The following SAMSN1 variants were observed in gnomAD, a reference collection of about 807,000 sequenced individuals.
The protein encoded by SAMSN1 is SAM domain-containing protein SAMSN-1.
Under a neutral mutation model 42.0 loss-of-function variants are expected in SAMSN1, and 31 were observed. The ratio of observed to expected loss-of-function variants is 0.74; its 90% confidence interval spans 0.55 to 1.00. SAMSN1 has a LOEUF of 1.00. Ranked by LOEUF, SAMSN1 falls within the 50% of genes least tolerant of loss-of-function variation. SAMSN1 has a pLI of 0.00. For missense variants in SAMSN1, 464 were observed against 439.4 expected, an observed-to-expected ratio of 1.06 and a Z score of -0.50; for synonymous variants, 178 against 151.9, an observed-to-expected ratio of 1.17 and a Z score of -1.26.
intron 6 of SAMSN1, chr21:14,598,216 T>C (rs1160547667): frequency 6.6e-6 from 1 of 152,174 alleles, no homozygotes; most frequent in African/African-American, 2.4e-5. Flanking sequence ...TATCTCTCTT[T>C]TCTATCATGA....
intron 5 of SAMSN1, among the ~76,000 whole-genome samples, chr21:14,603,424 T>C (rs551762487): frequency 6.6e-6 from 1 of 152,274 alleles, no homozygotes; most frequent in South Asian, 2.1e-4. Flanking sequence ...GAGAGACCAC[T>C]ATGACTCAGA....
chr21:14,583,420 CTG>C (rs1981819953), upstream of SAMSN1: 1 of 468,122 alleles, frequency 2.1e-6, no homozygotes, highest in Non-Finnish European at 3.8e-6. Flanking sequence ...CTCTCTCTCA[CTG>C]TGTCTCGGAG....
chr21:14,519,534 A>C (rs2123030353), intron 2 of SAMSN1, among the ~76,000 whole-genome samples: 1 of 152,102 alleles, frequency 6.6e-6, no homozygotes, highest in Admixed American at 6.5e-5. Flanking sequence ...ATATGTGGCC[A>C]GGGGGAGATT....
upstream of SAMSN1, among the ~76,000 whole-genome samples, chr21:14,583,962 C>T (rs555766187): frequency 3.3e-5 from 5 of 151,306 alleles, no homozygotes; most frequent in Non-Finnish European, 7.4e-5. Context: ...AAATATGTTA[C>T]AACTGGCCAG....
intron 5 of SAMSN1, among the ~76,000 whole-genome samples, chr21:14,505,383 T>C (rs781445480): frequency 6.6e-6 from 1 of 151,998 alleles, no homozygotes; most frequent in Admixed American, 6.6e-5. Context: ...CACACAAACT[T>C]AAGGTACAGG....
chr21:14,538,977 A>T (rs1979819081), intron 1 of SAMSN1, among the ~76,000 whole-genome samples: 1 of 152,182 alleles, frequency 6.6e-6, no homozygotes, highest in Admixed American at 6.5e-5. Context: ...CGGATCATTA[A>T]TCCCTCTCAA....
Position 14,596,528 on chromosome 21 carries a change from A to G in SAMSN1, c.400-2450T>C, listed in dbSNP as rs973551203. Reference sequence around the variant, plus strand: ...AGCTGGATTTAGTGAGTTGCTTCTAACAAATAGAATAAAATGGAAGTGATG... The same window carrying G: ...AGCTGGATTTAGTGAGTTGCTTCTAGCAAATAGAATAAAATGGAAGTGATG... On this transcript the variant is annotated intron_variant, in intron 6 of 15. Transcript: ENST00000647101. 1.2e-4 allele frequency among the ~76,000 whole-genome samples: 18 copies of G among 152,154 alleles called. 1 individual carries two copies. Among genetic ancestry groups the G allele is most frequent in the Admixed American group, 3.3e-4 (5 of 15,268 alleles).
At chr21:14,583,706 G>A (rs1272764485), upstream of SAMSN1, 1 of 717,506 alleles carries the variant, frequency 1.4e-6, no homozygotes, top group Admixed American at 2.0e-5. Context: ...GGCTTTCTTA[G>A]TCCAAACCAG....
At chr21:14,514,892 G>A (rs1174397851) in intron 3 of SAMSN1, among the ~76,000 whole-genome samples, 1 of 152,158 alleles carries the variant, frequency 6.6e-6, no homozygotes, top group Non-Finnish European at 1.5e-5. Flanking sequence ...CATAGCTAGA[G>A]ATATAGTTGT....
intron 2 of SAMSN1, among the ~76,000 whole-genome samples, chr21:14,636,767 G>A (rs975733565): frequency 6.6e-6 from 1 of 152,052 alleles, no homozygotes; most frequent in African/African-American, 2.4e-5. Flanking sequence ...TGGCGGGGTT[G>A]GGGGTGGAAT....
intron 5 of SAMSN1, among the ~76,000 whole-genome samples, chr21:14,507,605 G>A (rs1330100661): frequency 6.6e-6 from 1 of 152,170 alleles, no homozygotes; most frequent in African/African-American, 2.4e-5. Flanking sequence ...AATCAATATT[G>A]TGAAAAGGAC....
chr21:14,558,548 A>G (rs534022726), intron 2 of SAMSN1, among the ~76,000 whole-genome samples: 1 of 151,892 alleles, frequency 6.6e-6, no homozygotes, highest in East Asian at 1.9e-4. Context: ...GGCCGTGGTG[A>G]TGCATGCCTG....
intron 2 of SAMSN1, among the ~76,000 whole-genome samples, chr21:14,565,396 C>T (rs532619573): frequency 1.3e-5 from 2 of 151,848 alleles, no homozygotes; most frequent in East Asian, 1.9e-4. Context: ...CTAGCTTTTA[C>T]ACCAGGAGTC....
Position 14,512,546 on chromosome 21 carries a change from G to C in SAMSN1, c.307C>G (p.Pro103Ala), listed in dbSNP as rs1350404193. ...ATCACAGGGTCACTGTTTCTATATG[G>C]GTGGGCATTCTCTCCATCTTCCTCA... ...KDEEDGENAH[P>A]YRNSDPVIGT... Residue 103 changes from proline (P) to alanine (A), a missense_variant, in exon 4 of 8, where the codon CCA (proline) becomes GCA (alanine). By Grantham distance (27) the Pro-to-Ala change is conservative. Coordinates refer to ENST00000400566, the MANE Select transcript of SAMSN1 (RefSeq NM_022136.5). 3 of 1,613,786 alleles carry C rather than the reference G, an allele frequency of 1.9e-6. No homozygotes were observed. The East Asian group carries it at 6.7e-5, about 36-fold the overall frequency.
At chr21:14,546,803 G>A (rs111246558), upstream of SAMSN1, among the ~76,000 whole-genome samples, 11,972 of 151,888 alleles carry the variant, frequency 0.079, 505 homozygotes, top group Middle Eastern at 0.17. Flanking sequence ...TCCACCTCCC[G>A]GGTTCAAGCG....
chr21:14,494,906 C>T (rs996512268), intron 7 of SAMSN1, among the ~76,000 whole-genome samples: 1 of 152,138 alleles, frequency 6.6e-6, no homozygotes, highest in African/African-American at 2.4e-5. Flanking sequence ...GTCTTTTCTA[C>T]ATTATCTCAA....
Position 14,485,498 on chromosome 21 carries a change from T to C in SAMSN1, c.*414A>G, listed in dbSNP as rs1455928017. The stretch of plus-strand genomic sequence containing the variant: ...AGTATAAAAATGAATATAACATTGC[T>C]TGGACAACTTGTTTCAACAGCGAAT... On this transcript the variant is annotated 3_prime_UTR_variant, in exon 8 of 8. Coordinates refer to ENST00000400566, the MANE Select transcript of SAMSN1 (RefSeq NM_022136.5). 1 of 157,976 alleles carries C rather than the reference T, an allele frequency of 6.3e-6. No homozygotes were observed. The highest frequency in any genetic ancestry group is 1.9e-4 in the East Asian group (1 of 5,358). 9.8% of individuals were successfully genotyped at this position (157,976 alleles called of 1,614,324 possible).
At chr21:14,491,504 AG>A (rs1309966244) in intron 7 of SAMSN1, among the ~76,000 whole-genome samples, 1 of 152,224 alleles carries the variant, frequency 6.6e-6, no homozygotes, top group African/African-American at 2.4e-5. Context: ...CATCAAGGAC[AG>A]GAAGTTGAGG....
At chr21:14,592,601 T>C in intron 7 of SAMSN1, 1 of 368,582 alleles carries the variant, frequency 2.7e-6, no homozygotes. Flanking sequence ...TTTGACTACA[T>C]AAGTATCTTC....
Sources: gnomAD v4.1 joint callset for allele counts (sites outside exome capture counted in the v4.1 genomes callset) on GRCh38, gnomAD v4.1.1 for gene constraint, MANE v1.5 for transcripts, NCBI Gene and HGNC (gene_info 2026-07-23, HGNC 2026-07-21) for gene names.